Variants in TCF20 observed in about 807,000 individuals in gnomAD.
TCF20 encodes transcription factor 20.
Under a neutral mutation model 148.6 loss-of-function variants are expected in TCF20, and 3 were observed. That is an observed-to-expected ratio of 0.02 (90% CI 0.01 to 0.05). The LOEUF is 0.05. Among genes scored for constraint, TCF20 ranks in the 10% least tolerant of loss-of-function variants. The pLI is 1.00. For synonymous variants in TCF20, 1,049 were observed against 909.5 expected, an observed-to-expected ratio of 1.15 and a Z score of -2.76; for missense variants, 2,350 against 2,429.3, an observed-to-expected ratio of 0.97 and a Z score of 0.69.
At chr22:42,289,205 C>T (rs1229565934) in intron 1 of TCF20, among the ~76,000 whole-genome samples, 2 of 152,164 alleles carry the variant, frequency 1.3e-5, no homozygotes, top group Non-Finnish European at 2.9e-5. Context: ...AACAGGCACC[C>T]GCTTTTCTCA....
chr22:42,249,521 C>T (rs559344505), intron 1 of TCF20, among the ~76,000 whole-genome samples: 9 of 152,294 alleles, frequency 5.9e-5, no homozygotes, highest in East Asian at 3.9e-4. Flanking sequence ...TAAGTGTACA[C>T]GGCTACTTAA....
chr22:42,306,521 G>A (rs1355845524), intron 1 of TCF20, among the ~76,000 whole-genome samples: 1 of 152,222 alleles, frequency 6.6e-6, no homozygotes, highest in Non-Finnish European at 1.5e-5. Flanking sequence ...CAGGCAGTGG[G>A]CCTCCACTGT....
intron 3 of TCF20, among the ~76,000 whole-genome samples, chr22:42,172,819 T>G (rs1936209439): frequency 6.6e-6 from 1 of 152,244 alleles, no homozygotes; most frequent in African/African-American, 2.4e-5. Flanking sequence ...ATTCCTTATG[T>G]TGGCACACTG....
At chr22:42,301,025 T>C (rs1265945634) in intron 1 of TCF20, among the ~76,000 whole-genome samples, 1 of 152,122 alleles carries the variant, frequency 6.6e-6, no homozygotes, top group Non-Finnish European at 1.5e-5. Context: ...GCTACCTCTG[T>C]AGGGTGGCGG....
upstream of TCF20, among the ~76,000 whole-genome samples, chr22:42,284,619 G>C (rs1180842790): frequency 6.6e-6 from 1 of 152,216 alleles, no homozygotes; most frequent in African/African-American, 2.4e-5. Context: ...AGTGAGCCCT[G>C]GCTGCCCCCT....
chr22:42,281,014 C>T (rs556459345), intron 1 of TCF20, among the ~76,000 whole-genome samples: 2 of 152,180 alleles, frequency 1.3e-5, no homozygotes, highest in East Asian at 1.9e-4. Context: ...CTGCCATCTC[C>T]GTTGGGGATA....
intron 2 of TCF20, among the ~76,000 whole-genome samples, chr22:42,184,267 G>T (rs768782603): frequency 6.6e-6 from 1 of 152,132 alleles, no homozygotes; most frequent in Non-Finnish European, 1.5e-5. Flanking sequence ...AGAGAACTTA[G>T]AACTTTACCT....
At chr22:42,293,828 C>T (rs540573611) in intron 1 of TCF20, among the ~76,000 whole-genome samples, 89 of 152,266 alleles carry the variant, frequency 5.8e-4, no homozygotes, top group African/African-American at 1.7e-3. Flanking sequence ...GGTGAAACAC[C>T]GTCTCTACTA....
intron 1 of TCF20, among the ~76,000 whole-genome samples, chr22:42,241,553 G>A (rs576885175): frequency 4.6e-5 from 7 of 152,190 alleles, no homozygotes; most frequent in African/African-American, 7.2e-5. Flanking sequence ...ATCGGCTGGC[G>A]CGGTGGCTCA....
At position 42,314,631 on chromosome 22, in the gene TCF20, G is replaced by A. The variant is rs532326329; in HGVS notation, c.-37+28848C>T. Among the ~76,000 whole-genome samples the A allele has an allele frequency of 3.3e-5, 5 of 152,242 alleles. No individual in the cohort carries two copies. In the South Asian group the frequency reaches 8.3e-4, roughly 25 times the overall value. On this transcript the variant is annotated intron_variant, in intron 1 of 1. Coordinates refer to the TCF20 transcript ENST00000515426. ...AGGGCTGAGGGCTAGCAGGGAGCCC[G>A]CCTCTCCCAGGGAGAACAGGGGGTC...
chr22:42,324,715 G>A (rs1436617140), intron 1 of TCF20, among the ~76,000 whole-genome samples: 1 of 152,000 alleles, frequency 6.6e-6, no homozygotes, highest in Non-Finnish European at 1.5e-5. Context: ...TCCACCATCT[G>A]AGAAAATAAT....
Position 42,211,493 on chromosome 22 carries a change from T to C in TCF20, c.3813A>G (p.Gln1271=), listed in dbSNP as rs573173821. The C allele has an allele frequency of 1.2e-6, 2 of 1,614,186 alleles. No individual in the cohort carries two copies. The highest frequency in any genetic ancestry group is 2.2e-5 in the East Asian group (1 of 44,880). The part of the protein sequence containing the change: ...ISPIPSKRQS[Q]DVKNSSTEDK... ...CTTCAGTGCTACTGTTCTTTACATCTTGTGACTGTCTCTTACTGGGAATGG... is the reference window on the plus strand; with the variant it reads ...CTTCAGTGCTACTGTTCTTTACATCCTGTGACTGTCTCTTACTGGGAATGG... The change falls in exon 2 of 6, where the codon CAA becomes CAG. Residue 1271 remains glutamine, a synonymous_variant. Transcript: ENST00000677622.
At chr22:42,163,917 T>C (rs1366266036) in intron 5 of TCF20, among the ~76,000 whole-genome samples, 1 of 152,200 alleles carries the variant, frequency 6.6e-6, no homozygotes, top group Non-Finnish European at 1.5e-5. Flanking sequence ...CACACTGTCC[T>C]TTCTGCTCCC....
intron 2 of TCF20, among the ~76,000 whole-genome samples, chr22:42,184,292 C>G (rs1936937770): frequency 6.6e-6 from 1 of 152,094 alleles, no homozygotes; most frequent in Non-Finnish European, 1.5e-5. Context: ...TTCTTCTGAA[C>G]CCCAAGTTCA....
intron 1 of TCF20, among the ~76,000 whole-genome samples, chr22:42,315,679 A>G (rs1319193288): frequency 1.3e-5 from 2 of 152,176 alleles, no homozygotes; most frequent in Non-Finnish European, 2.9e-5. Context: ...GGGGCACATA[A>G]GACATCTACC....
At chr22:42,313,185 C>A (rs1405481127) in intron 1 of TCF20, among the ~76,000 whole-genome samples, 3 of 152,234 alleles carry the variant, frequency 2.0e-5, no homozygotes, top group Non-Finnish European at 4.4e-5. Flanking sequence ...CAGTGCCTGG[C>A]ACTCAGTAGG....
rs918450120 is a variant in TCF20 at position 42,297,401 on chromosome 22, A to G, written c.-37+46078T>C. Among the ~76,000 whole-genome samples the G allele has an allele frequency of 2.6e-5, 4 of 152,176 alleles. No homozygotes were observed. The highest frequency in any genetic ancestry group is 1.3e-4 in the Admixed American group (2 of 15,278). ...GGGTCCTCATTTGCATTAGACGGTA[A>G]ATCTAAGGACACTGGTTGTGCCTTC... On this transcript the variant is annotated intron_variant, in intron 1 of 1. Transcript: ENST00000515426. The surrounding 1 kb of genome is among the most constrained non-coding windows in gnomAD (Gnocchi z 4.3).
rs1297816362 is a variant in TCF20, at chr22:42,168,597, G to T, written c.*44+12C>A. Reference sequence around the variant, plus strand: ...CGGGCAGGATGCAGGGAGCCCGGTGGCCCCGACTCACCTGTGCTTGCTGTC... The same window carrying T: ...CGGGCAGGATGCAGGGAGCCCGGTGTCCCCGACTCACCTGTGCTTGCTGTC... On this transcript the variant is annotated intron_variant, in intron 5 of 5. Transcript: ENST00000677622. 9.7e-6 allele frequency: 15 copies of T among 1,552,132 alleles called. No homozygotes were observed. The highest frequency in any genetic ancestry group is 1.2e-5 in the Non-Finnish European group (14 of 1,151,076).
intron 1 of TCF20, among the ~76,000 whole-genome samples, chr22:42,226,713 A>G (rs1165425224): frequency 2.6e-5 from 4 of 152,200 alleles, no homozygotes; most frequent in Admixed American, 6.5e-5. Flanking sequence ...TGTCTCTTAA[A>G]AAGAAATAAT....
Sources: allele counts gnomAD v4.1 joint callset (sites outside exome capture counted in the v4.1 genomes callset), GRCh38; gene constraint gnomAD v4.1.1; non-coding constraint Gnocchi (gnomAD v3.1); transcripts MANE v1.5; gene names NCBI Gene and HGNC (gene_info 2026-07-23, HGNC 2026-07-21).